The following MYO1E variants were observed in gnomAD, a reference collection of about 807,000 sequenced individuals.
MYO1E encodes myosin IE.
A neutral mutation model predicts 151.1 loss-of-function variants in MYO1E; 68 were observed. The ratio of observed to expected loss-of-function variants is 0.45; its 90% CI spans 0.37 to 0.55. The LOEUF is 0.55. Ranked by LOEUF, MYO1E falls within the 20% of genes least tolerant of loss-of-function variation. The pLI is 0.00. For synonymous variants in MYO1E, 601 were observed against 501.7 expected, an observed-to-expected ratio of 1.20 and a Z score of -2.64; for missense variants, 1,363 against 1,389.3, an observed-to-expected ratio of 0.98 and a Z score of 0.30.
chr15:59,157,728 A>G (rs1416442385), intron 25 of MYO1E, among the ~76,000 whole-genome samples: 2 of 152,242 alleles, frequency 1.3e-5, no homozygotes, highest in Non-Finnish European at 2.9e-5. Context: ...GTAACAATAT[A>G]TCTTCTATCT....
At chr15:59,348,369 C>A (rs1214003979) in intron 1 of MYO1E, among the ~76,000 whole-genome samples, 1 of 152,208 alleles carries the variant, frequency 6.6e-6, no homozygotes, top group Non-Finnish European at 1.5e-5. Context: ...AAAAATACAT[C>A]CTGATCAGTT....
chr15:59,244,006 C>T (rs577547578), intron 4 of MYO1E, among the ~76,000 whole-genome samples: 2 of 152,006 alleles, frequency 1.3e-5, no homozygotes, highest in East Asian at 3.9e-4. Context: ...TTTAGAATTA[C>T]ACTAAAAAAC....
At chr15:59,183,861 T>A (rs1830430801) in intron 18 of MYO1E, among the ~76,000 whole-genome samples, 1 of 152,140 alleles carries the variant, frequency 6.6e-6, no homozygotes, top group African/African-American at 2.4e-5. Context: ...CTGGTAACCA[T>A]CATTTTATTC....
At position 59,133,863 on chromosome 15, in the gene MYO1E, A is replaced by AGG. The variant is rs1297197717; in HGVS notation, c.*3515_*3516dup. 6.6e-6 allele frequency: 1 copy of AGG among 152,312 alleles called. No individual in the cohort carries two copies. Among genetic ancestry groups the AGG allele is most frequent in the Non-Finnish European group, 1.5e-5 (1 of 68,096 alleles). 9.4% of individuals were successfully genotyped at this position (152,312 alleles called of 1,614,324 possible). A position where few individuals can be genotyped will look rare whatever the true frequency, so the allele number is the denominator to read the frequency against. On this transcript the variant is annotated 3_prime_UTR_variant, in exon 28 of 28. Transcript: ENST00000288235. ...TGACTTGGTGTGACCAGCTCCACTCAGGGAGGGTCTGGGGATGAGTTCAGG... is the reference window on the plus strand; with the variant it reads ...TGACTTGGTGTGACCAGCTCCACTCAGGGGGAGGGTCTGGGGATGAGTTCAGG...
chr15:59,165,790 G>A (rs2079560062), intron 22 of MYO1E, among the ~76,000 whole-genome samples: 1 of 152,200 alleles, frequency 6.6e-6, no homozygotes, highest in African/African-American at 2.4e-5. Flanking sequence ...TAAGAACCCG[G>A]CTGCATTAGG....
rs550152957 is a variant in MYO1E at position 59,248,561 on chromosome 15, G to C, written c.332+7723C>G. Among the ~76,000 whole-genome samples the C allele has an allele frequency of 8.3e-4, 126 of 151,804 alleles. 1 individual carries two copies. Among genetic ancestry groups the C allele is most frequent in the African/African-American group, 2.9e-3 (120 of 41,368 alleles). ...CCTGATTTGTCTGCCAGTGGGCTGA[G>C]GAGGAAGGCATAGGAAATATCCAAG... On this transcript the variant is annotated intron_variant, in intron 4 of 27. Transcript: ENST00000288235.
intron 18 of MYO1E, among the ~76,000 whole-genome samples, chr15:59,181,583 G>T (rs2140321727): frequency 6.6e-6 from 1 of 152,348 alleles, no homozygotes; most frequent in East Asian, 1.9e-4. Flanking sequence ...GGGAATTAAG[G>T]CATCTTTTGA....
chr15:59,157,256 A>C (rs920647935), intron 25 of MYO1E, among the ~76,000 whole-genome samples: 5 of 152,114 alleles, frequency 3.3e-5, no homozygotes, highest in East Asian at 1.9e-4. Flanking sequence ...TATGAGCATA[A>C]ATTTTATAAC....
At chr15:59,203,861 C>A (rs2079817126) in intron 15 of MYO1E, among the ~76,000 whole-genome samples, 1 of 152,168 alleles carries the variant, frequency 6.6e-6, no homozygotes, top group Non-Finnish European at 1.5e-5. Flanking sequence ...TGTAAATTAG[C>A]AATCTGACAT....
chr15:59,170,982 A>G (rs2079589896), intron 22 of MYO1E, among the ~76,000 whole-genome samples: 1 of 152,152 alleles, frequency 6.6e-6, no homozygotes, highest in Non-Finnish European at 1.5e-5. Context: ...CTTTAATGCA[A>G]AGGCCCAAAG....
Position 59,138,185 on chromosome 15 carries a change from G to C in MYO1E, c.3250+13C>G, listed in dbSNP as rs764112384. 2.0e-5 allele frequency: 32 copies of C among 1,613,910 alleles called. No homozygotes were observed. Among genetic ancestry groups the C allele is most frequent in the Non-Finnish European group, 2.6e-5 (31 of 1,179,944 alleles). ...TTTGGGAGGCTGTCCCAGCCAACCA[G>C]CCACACACTTACCTTCTTTGATAAT... On this transcript the variant is annotated intron_variant, in intron 27 of 27. Transcript: ENST00000288235.
intron 1 of MYO1E, chr15:59,359,666 A>G (rs1411896495): frequency 6.6e-6 from 1 of 152,246 alleles, no homozygotes; most frequent in African/African-American, 2.4e-5. Context: ...ATTATTTTCC[A>G]TAGCCATTAC....
chr15:59,341,768 G>C (rs2080767116), intron 1 of MYO1E, among the ~76,000 whole-genome samples: 1 of 152,080 alleles, frequency 6.6e-6, no homozygotes, highest in Non-Finnish European at 1.5e-5. Context: ...TTCATCATTT[G>C]ATGGACACTT....
chr15:59,333,223 C>T (rs1596423639), intron 1 of MYO1E, among the ~76,000 whole-genome samples: 1 of 152,078 alleles, frequency 6.6e-6, no homozygotes, highest in African/African-American at 2.4e-5. Flanking sequence ...AGCTTCATCA[C>T]TATCTACTTT....
At chr15:59,224,931 T>C (rs2079980207) in intron 7 of MYO1E, 108 bp from the exon 8 acceptor site, 2 of 1,477,498 alleles carry the variant, frequency 1.4e-6, no homozygotes, top group Admixed American at 1.7e-5. Flanking sequence ...CTCTGCTTTC[T>C]AAAATTACAG....
In MYO1E at chr15:59,210,627, A is replaced by G. The variant is rs551982709; in HGVS notation, c.1276-27T>C. The G allele has an allele frequency of 2.7e-6, 4 of 1,489,742 alleles. No individual in the cohort carries two copies. The African/African-American group carries it at 5.5e-5, about 21-fold the overall frequency. 92.3% of individuals were successfully genotyped at this position (1,489,742 alleles called of 1,614,324 possible). On this transcript the variant is annotated intron_variant, in intron 12 of 27. Transcript: ENST00000288235. ...TGTAACACAGAGACAAGGAACTCAC[A>G]TTATTTCCCAGATAGCAAGAGCTCT... is the stretch of plus-strand genomic sequence containing the variant.
intron 1 of MYO1E, among the ~76,000 whole-genome samples, chr15:59,310,973 T>C (rs2080547624): frequency 6.6e-6 from 1 of 152,132 alleles, no homozygotes; most frequent in Admixed American, 6.5e-5. Flanking sequence ...CCAACCTGCC[T>C]GTCCCACGTA....
At chr15:59,322,425 A>G (rs183982444) in intron 1 of MYO1E, among the ~76,000 whole-genome samples, 1 of 152,200 alleles carries the variant, frequency 6.6e-6, no homozygotes, top group East Asian at 1.9e-4. Context: ...CTTAAAAGCT[A>G]TTTTTTAACT....
chr15:59,241,962 T>C (rs908542508), intron 4 of MYO1E, among the ~76,000 whole-genome samples: 4 of 146,816 alleles, frequency 2.7e-5, no homozygotes, highest in African/African-American at 1.1e-4. Flanking sequence ...AGTAAATAAA[T>C]AATAGGCCTT....
Sources: gnomAD v4.1 joint callset for allele counts (sites outside exome capture counted in the v4.1 genomes callset) on GRCh38, gnomAD v4.1.1 for gene constraint, MANE v1.5 for transcripts, NCBI Gene and HGNC (gene_info 2026-07-23, HGNC 2026-07-21) for gene names.